The following RAMP1 variants were observed in gnomAD, a reference collection of about 807,000 sequenced individuals.
RAMP1 encodes receptor activity modifying protein 1.
RAMP1 carries 7 observed loss-of-function variants against 8.2 expected under a neutral mutation model. The observed-to-expected ratio is 0.85, with a 90% confidence interval of 0.49 to 1.60. RAMP1 has a LOEUF of 1.60. Ranked by LOEUF, RAMP1 falls within the 40% of genes most tolerant of loss-of-function variation. The pLI is 0.00. For missense variants in RAMP1, 192 were observed against 202.4 expected (o/e 0.95, Z 0.31); for synonymous variants, 92 against 84.7 (o/e 1.09, Z -0.47).
At chr2:237,893,306 A>G (rs1576549785) in intron 2 of RAMP1, among the ~76,000 whole-genome samples, 1 of 152,154 alleles carries the variant, frequency 6.6e-6, no homozygotes, top group African/African-American at 2.4e-5. Context: ...GGTTGCTTGC[A>G]GTATTCTTTT....
intron 1 of RAMP1, among the ~76,000 whole-genome samples, chr2:237,871,678 A>G (rs1344045700): frequency 6.6e-6 from 1 of 152,184 alleles, no homozygotes; most frequent in Non-Finnish European, 1.5e-5. Context: ...TGCCCCCGCC[A>G]GTAAAATAAT....
chr2:237,871,080 C>T (rs2062239712), intron 1 of RAMP1, among the ~76,000 whole-genome samples: 1 of 152,314 alleles, frequency 6.6e-6, no homozygotes, highest in African/African-American at 2.4e-5. Context: ...AACAACCCGG[C>T]CCTGGCCCAC....
chr2:237,892,893 C>T (rs754024773), intron 2 of RAMP1, among the ~76,000 whole-genome samples: 1 of 152,146 alleles, frequency 6.6e-6, no homozygotes, highest in Non-Finnish European at 1.5e-5. Flanking sequence ...CTGACAGTTG[C>T]ACTATTTGCA....
intron 2 of RAMP1, among the ~76,000 whole-genome samples, chr2:237,893,712 G>A (rs796602585): frequency 5.9e-5 from 9 of 152,286 alleles, no homozygotes; most frequent in African/African-American, 1.9e-4. Flanking sequence ...GCCAAGGCAG[G>A]TGGATCACTT....
At chr2:237,895,363 A>G (rs765439372) in intron 2 of RAMP1, among the ~76,000 whole-genome samples, 2 of 152,168 alleles carry the variant, frequency 1.3e-5, no homozygotes, top group Non-Finnish European at 2.9e-5. Flanking sequence ...GCTGTGAGCC[A>G]GGGATCACTG....
chr2:237,907,289 C>T (rs1402392799), intron 2 of RAMP1, among the ~76,000 whole-genome samples: 1 of 152,120 alleles, frequency 6.6e-6, no homozygotes, highest in East Asian at 1.9e-4. Flanking sequence ...GCTGTTGTAG[C>T]TGCTTTGTTT....
rs904438967 is a variant in RAMP1, at chr2:237,865,694, G to A, written c.52+5967G>A. On this transcript the variant is annotated intron_variant, in intron 1 of 2. Coordinates refer to ENST00000254661, the MANE Select transcript of RAMP1 (RefSeq NM_005855.4). The surrounding 1 kb of genome is among the most constrained non-coding windows in gnomAD (Gnocchi z 4.2). ...AGAGAGGTGTTTCTGGCGGCAGCAG[G>A]GCCTGGCCTATGTCAAATCCTTGCT... 1.3e-5 allele frequency among the ~76,000 whole-genome samples: 2 copies of A among 152,132 alleles called. No homozygotes were observed. Among genetic ancestry groups the A allele is most frequent in the African/African-American group, 4.8e-5 (2 of 41,406 alleles).
In RAMP1 at chr2:237,911,705, C is replaced by A; in HGVS notation, c.369C>A (p.Ile123=). The change falls in exon 3 of 3, where the codon ATC becomes ATA. Residue 123 remains isoleucine (I), a synonymous_variant. Coordinates refer to ENST00000254661, the MANE Select transcript of RAMP1 (RefSeq NM_005855.4). ...CCGGCAGCATCCTCTACCCCTTCATCGTGGTCCCCATCACGGTGACCCTGC... is the reference window on the plus strand; with the variant it reads ...CCGGCAGCATCCTCTACCCCTTCATAGTGGTCCCCATCACGGTGACCCTGC... ...DPPGSILYPF[I]VVPITVTLLV... The A allele has an allele frequency of 6.2e-7, 1 of 1,613,934 alleles. No individual in the cohort carries two copies. The highest frequency in any genetic ancestry group is 1.1e-5 in the South Asian group (1 of 91,058).
intron 1 of RAMP1, among the ~76,000 whole-genome samples, chr2:237,866,890 G>A (rs748032319): frequency 5.3e-5 from 8 of 151,954 alleles, no homozygotes; most frequent in East Asian, 3.9e-4. Flanking sequence ...TACCATGCCC[G>A]GCAAATTTTT....
chr2:237,882,817 G>C (rs1288945550), intron 2 of RAMP1, among the ~76,000 whole-genome samples: 1 of 127,992 alleles, frequency 7.8e-6, no homozygotes, highest in East Asian at 2.4e-4. Context: ...GCTGCCTGCA[G>C]GCAGGCCATC....
At chr2:237,859,384 T>A (rs2062109196), upstream of RAMP1, among the ~76,000 whole-genome samples, 1 of 152,112 alleles carries the variant, frequency 6.6e-6, no homozygotes, top group South Asian at 2.1e-4. Flanking sequence ...AAGTGTTTAT[T>A]TGCTCGGAGA....
intron 2 of RAMP1, among the ~76,000 whole-genome samples, chr2:237,880,863 G>T (rs1348839213): frequency 6.6e-6 from 1 of 152,204 alleles, no homozygotes; most frequent in Non-Finnish European, 1.5e-5. Flanking sequence ...CTAGACTAGT[G>T]TTTGACTGAG....
At chr2:237,893,364 G>A (rs1265274055) in intron 2 of RAMP1, among the ~76,000 whole-genome samples, 2 of 152,160 alleles carry the variant, frequency 1.3e-5, no homozygotes, top group South Asian at 4.2e-4. Flanking sequence ...GCCTCGTTAA[G>A]CCTGCAGAAG....
intron 2 of RAMP1, among the ~76,000 whole-genome samples, 176 bp from the exon 3 acceptor site, chr2:237,911,352 C>T (rs1280393692): frequency 1.3e-5 from 2 of 152,270 alleles, no homozygotes; most frequent in African/African-American, 4.8e-5. Context: ...TTGGAGTCCC[C>T]TTGGAGCCAT....
chr2:237,866,375 C>T (rs982393461), intron 1 of RAMP1, among the ~76,000 whole-genome samples: 1 of 151,946 alleles, frequency 6.6e-6, no homozygotes, highest in Non-Finnish European at 1.5e-5. Flanking sequence ...TTTTTGCTTC[C>T]TGCTTGGTTC....
chr2:237,876,644 G>A (rs113225687), intron 1 of RAMP1, among the ~76,000 whole-genome samples: 8,368 of 151,612 alleles, frequency 0.055, 444 homozygotes, highest in African/African-American at 0.14. Flanking sequence ...TGCTCTCCCC[G>A]CCACCCCCGC....
chr2:237,894,786 C>T (rs903975584), intron 2 of RAMP1, among the ~76,000 whole-genome samples: 4 of 152,130 alleles, frequency 2.6e-5, no homozygotes, highest in Admixed American at 6.6e-5. Flanking sequence ...CTCCCTTGCT[C>T]GGGTGAATGT....
chr2:237,887,931 T>C (rs2062449682), intron 2 of RAMP1, among the ~76,000 whole-genome samples: 1 of 152,216 alleles, frequency 6.6e-6, no homozygotes, highest in Admixed American at 6.5e-5. Context: ...ATGACAACAC[T>C]ATAAGAACTT....
At chr2:237,880,697 C>T (rs544059091) in intron 2 of RAMP1, among the ~76,000 whole-genome samples, 1 of 152,208 alleles carries the variant, frequency 6.6e-6, no homozygotes, top group Non-Finnish European at 1.5e-5. Flanking sequence ...TGGGAGCCGA[C>T]GCAGCATTCT....
Sources: allele counts gnomAD v4.1 joint callset (sites outside exome capture counted in the v4.1 genomes callset), GRCh38; gene constraint gnomAD v4.1.1; non-coding constraint Gnocchi (gnomAD v3.1); transcripts MANE v1.5; gene names NCBI Gene and HGNC (gene_info 2026-07-23, HGNC 2026-07-21).